Variants in IGSF9 observed in about 807,000 individuals in gnomAD.
The protein encoded by IGSF9 is protein turtle homolog A.
IGSF9 carries 87 observed loss-of-function variants against 121.7 expected under a neutral mutation model. The ratio of observed to expected loss-of-function variants is 0.71; its 90% CI spans 0.60 to 0.85. IGSF9 has a LOEUF of 0.85. Ranked by LOEUF, IGSF9 falls within the 40% of genes least tolerant of loss-of-function variation. The probability of loss-of-function intolerance (pLI) is 0.00; values close to 1 mark genes in which losing one functional copy is unlikely to be tolerated. For synonymous variants in IGSF9, 640 were observed against 648.4 expected (o/e 0.99, Z 0.20); for missense variants, 1,462 against 1,565.3 (o/e 0.93, Z 1.11).
In IGSF9 at chr1:159,931,666, A is replaced by G. The variant is rs554928607; in HGVS notation, c.1363-63T>C. On this transcript the variant is annotated intron_variant, in intron 11 of 20. Transcript: ENST00000368094. The surrounding 1 kb of genome is among the most constrained non-coding windows in gnomAD (Gnocchi z 4.8). ...CCACCCCTCACCAAAGGCGCCCCTC[A>G]TCTCTCCAGGCAGCTCCAGTTCCTC... 3.2e-3 allele frequency: 5,011 copies of G among 1,581,106 alleles called. 14 individuals are homozygous for G. The highest frequency in any genetic ancestry group is 3.9e-3 in the Non-Finnish European group (4,554 of 1,158,326).
rs761040310 is a variant in IGSF9, at chr1:159,930,747, A to G, written c.1758T>C (p.Ala586=). The G allele has an allele frequency of 3.1e-6, 5 of 1,614,110 alleles. No individual in the cohort carries two copies. Among genetic ancestry groups the G allele is most frequent in the Non-Finnish European group, 4.2e-6 (5 of 1,180,000 alleles). ...PHTQYQFSVL[A]QNKLGSGPFS... ...AGGGACCACTCCCCAGCTTGTTCTG[A>G]GCTAGCACGCTGAACTGGTACTGGG... Residue 586 remains alanine, a synonymous_variant, in exon 14 of 21, where the codon GCT becomes GCC. Transcript: ENST00000368094.
Position 159,929,767 on chromosome 1 carries a change from G to T in IGSF9, c.2197C>A (p.Gln733Lys). Residue 733 changes from glutamine to lysine, a missense_variant, in exon 17 of 21, where the codon CAG (glutamine) becomes AAG (lysine). Gln to Lys is a moderately conservative substitution (Grantham distance 53). Transcript: ENST00000368094. ...SRTQLPGLLPQPVLAGVVGGV... is the reference protein window; with the variant it reads ...SRTQLPGLLPKPVLAGVVGGV... ...CCCACCACGCCGGCCAGCACGGGCT[G>T]AGGCAGGAGGCCCGGCAGCTGCGTG... 6.2e-7 allele frequency: 1 copy of T among 1,606,528 alleles called. No homozygotes were observed. Among genetic ancestry groups the T allele is most frequent in the Admixed American group, 1.7e-5 (1 of 59,214 alleles).
chr1:159,933,614 T>C (rs1343269331), intron 9 of IGSF9: 1 of 158,840 alleles, frequency 6.3e-6, no homozygotes, highest in Non-Finnish European at 1.4e-5. Context: ...AAACGTACTA[T>C]ACTACTTCCT....
chr1:159,936,773 T>C lies in IGSF9; in HGVS notation c.536A>G (p.Gln179Arg), dbSNP rs1348876119. ...ACTCACTTGCACCTGGCCCTGGCCC[T>C]GGCCAAGGTCCTTTCCTCGGAGCTT... ...TWKLRGKDLG[Q>R]GQGQVQVQNG... is the part of the protein sequence containing the mutation. The change falls in exon 5 of 21, where the codon CAG (glutamine) becomes CGG (arginine). Residue 179 changes from glutamine to arginine, a missense_variant. Physicochemically the swap from Gln to Arg is conservative, Grantham distance 43. This residue lies in a region of IGSF9 where 558 missense variants were observed against 599.4 expected (regional missense o/e 0.93). Coordinates refer to ENST00000368094, the MANE Select transcript of IGSF9 (RefSeq NM_001135050.2). 4 of 1,614,106 alleles carry C rather than the reference T, an allele frequency of 2.5e-6. No homozygotes were observed. The African/African-American group carries it at 5.3e-5, about 22-fold the overall frequency.
At chr1:159,933,358 A>C (rs1044632452) in intron 9 of IGSF9, 3 of 152,336 alleles carry the variant, frequency 2.0e-5, no homozygotes, top group Admixed American at 6.5e-5. Flanking sequence ...AATATTCAAC[A>C]AAGATATACT....
At position 159,927,095 on chromosome 1, in the gene IGSF9, C is replaced by CAGAGAGAGAGAG. The variant is rs575352607; in HGVS notation, c.*249_*250insCTCTCTCTCTCT. On this transcript the variant is annotated 3_prime_UTR_variant, in exon 21 of 21. Transcript: ENST00000368094. ...AAAACTTCACACACACACACACACACACAGAGAGAGAGAGAGAGAGAGAGA... is the reference window on the plus strand; with the variant it reads ...AAAACTTCACACACACACACACACACAGAGAGAGAGAGACAGAGAGAGAGAGAGAGAGAGAGA... 1.5e-3 allele frequency: 665 copies of CAGAGAGAGAGAG among 450,822 alleles called. 6 individuals carry two copies. Among genetic ancestry groups the CAGAGAGAGAGAG allele is most frequent in the African/African-American group, 4.2e-3 (199 of 47,162 alleles). The allele number at this position is 450,822 out of a possible 1,614,324, so 27.9% of individuals were successfully genotyped here.
chr1:159,942,895 G>A (rs114097507), intron 3 of IGSF9, 68 bp downstream of exon 3: 16,493 of 1,375,242 alleles, frequency 0.012, 141 homozygotes, highest in Non-Finnish European at 0.015. Context: ...AGGAGGCCTT[G>A]TGCGACTCTA....
At chr1:159,935,956 G>A (rs920808087) in intron 6 of IGSF9, among the ~76,000 whole-genome samples, 1 of 152,148 alleles carries the variant, frequency 6.6e-6, no homozygotes, top group African/African-American at 2.4e-5. Context: ...GCTCTATGAA[G>A]GCACAGTCCA....
chr1:159,928,269 G>A lies in IGSF9; in HGVS notation c.3119C>T (p.Ala1040Val). Residue 1040 changes from alanine to valine, a missense_variant, in exon 19 of 21, where the codon GCC (alanine) becomes GTC (valine). Around this residue, in one of 3 missense-constraint regions of IGSF9, gnomAD observed 808 missense variants for 815.2 expected, o/e 0.99. Coordinates refer to ENST00000368094, the MANE Select transcript of IGSF9 (RefSeq NM_001135050.2). Reference protein sequence around the residue: ...SASFLRPPSTAPSAGGSYLSP... With the variant: ...SASFLRPPSTVPSAGGSYLSP... ...GAGGTAGCTGCCTCCTGCAGAGGGG[G>A]CTGTGGAGGGGGGCCGCAGGAACGA... 1 of 1,613,092 alleles carries A rather than the reference G, an allele frequency of 6.2e-7. No homozygotes were observed.
chr1:159,935,680 T>C (rs1408032079), intron 6 of IGSF9, among the ~76,000 whole-genome samples: 2 of 152,270 alleles, frequency 1.3e-5, no homozygotes, highest in Non-Finnish European at 2.9e-5. Flanking sequence ...CTAAGCACTT[T>C]ACCTGCACGA....
At position 159,929,939 on chromosome 1, in the gene IGSF9, C is replaced by A; in HGVS notation, c.2101G>T (p.Gly701Cys). 1 of 1,581,338 alleles carries A rather than the reference C, an allele frequency of 6.3e-7. No individual in the cohort carries two copies. Among genetic ancestry groups the A allele is most frequent in the Non-Finnish European group, 8.6e-7 (1 of 1,164,312 alleles). The change falls in exon 16 of 21, where the codon GGC (glycine) becomes TGC (cysteine). Residue 701 changes from glycine (G) to cysteine (C), a missense_variant. Physicochemically the swap from Gly to Cys is radical, Grantham distance 159. Transcript: ENST00000368094. ...TTGCTGGGGTCGCTGACGAAGCTGC[C>A]CGCGAAGGCCACGAGGCGGAACTCG... is the stretch of plus-strand genomic sequence containing the variant. ...LYEFRLVAFA[G>C]SFVSDPSNTA...
rs1472970302 is a variant in IGSF9 at position 159,932,498 on chromosome 1, A to G, written c.1245+14T>C. On this transcript the variant is annotated intron_variant, in intron 10 of 20. Transcript: ENST00000368094. This position sits in a 1 kb window ranked among gnomAD's most constrained non-coding sequence, Gnocchi z 4.1. Reference sequence around the variant, plus strand: ...CCACTGTCACCACAGGCCCCCGCCCACCCCCGGCCTAACCTTGAGCAGCAC... The same window carrying G: ...CCACTGTCACCACAGGCCCCCGCCCGCCCCCGGCCTAACCTTGAGCAGCAC... The G allele has an allele frequency of 7.1e-7, 1 of 1,398,604 alleles. No individual in the cohort carries two copies. Among genetic ancestry groups the G allele is most frequent in the Non-Finnish European group, 9.5e-7 (1 of 1,051,112 alleles). 86.6% of individuals were successfully genotyped at this position (1,398,604 alleles called of 1,614,324 possible).
intron 3 of IGSF9, 47 bp downstream of exon 3, chr1:159,942,916 C>T (rs775704863): frequency 4.7e-5 from 73 of 1,563,924 alleles, no homozygotes; most frequent in Non-Finnish European, 5.8e-5. Flanking sequence ...CCCAGCCCAC[C>T]TTTCTTGCTG....
At chr1:159,930,501 A>G in intron 14 of IGSF9, 62 bp from the exon 15 acceptor site, 1 of 1,517,838 alleles carries the variant, frequency 6.6e-7, no homozygotes. Flanking sequence ...CTGGCCTTCC[A>G]CAACTCCCAG....
Position 159,931,429 on chromosome 1 carries a change from C to G in IGSF9, c.1513+24G>C. ...ATTCCCAAGTAGTTTCTCCCAGCCCCTGGCCCTCTCTCCAGCCACTAACCC... is the reference window on the plus strand; with the variant it reads ...ATTCCCAAGTAGTTTCTCCCAGCCCGTGGCCCTCTCTCCAGCCACTAACCC... On this transcript the variant is annotated intron_variant, in intron 12 of 20. Transcript: ENST00000368094. This position sits in a 1 kb window ranked among gnomAD's most constrained non-coding sequence, Gnocchi z 4.8. The G allele has an allele frequency of 6.2e-7, 1 of 1,608,874 alleles. No homozygotes were observed.
At chr1:159,927,720 G>T (rs771398264) in intron 20 of IGSF9, 40 bp downstream of exon 20, 2 of 1,604,644 alleles carry the variant, frequency 1.2e-6, no homozygotes, top group Non-Finnish European at 1.7e-6. Context: ...ATGTGGGACA[G>T]TATGGCCGAG....
Position 159,931,423 on chromosome 1 carries a change from C to A in IGSF9, c.1513+30G>T. On this transcript the variant is annotated intron_variant, in intron 12 of 20. Coordinates refer to ENST00000368094, the MANE Select transcript of IGSF9 (RefSeq NM_001135050.2). The surrounding 1 kb of genome is among the most constrained non-coding windows in gnomAD (Gnocchi z 4.8). ...AAAACGATTCCCAAGTAGTTTCTCC[C>A]AGCCCCTGGCCCTCTCTCCAGCCAC... 6.2e-7 allele frequency: 1 copy of A among 1,605,906 alleles called. No homozygotes were observed. Among genetic ancestry groups the A allele is most frequent in the South Asian group, 1.1e-5 (1 of 90,768 alleles).
chr1:159,944,133 G>C (rs958307218), intron 1 of IGSF9, among the ~76,000 whole-genome samples: 1 of 152,126 alleles, frequency 6.6e-6, no homozygotes, highest in Non-Finnish European at 1.5e-5. Flanking sequence ...GAGGATATCT[G>C]CTCAGGGGCA....
rs761218808 is a variant in IGSF9, at chr1:159,928,590, C to CG, written c.2797dup (p.Arg933ProfsTer13). On this transcript the variant is annotated frameshift_variant, in exon 19 of 21. Transcript: ENST00000368094. LOFTEE classifies it high-confidence loss of function. ...CCAGTCCCCATCCACATTCATCTCT[C>CG]GGAAGAAGGGCAGGCTCAGGTACTG... 13 of 1,511,952 alleles carry CG rather than the reference C, an allele frequency of 8.6e-6. No individual in the cohort carries two copies. The highest frequency in any genetic ancestry group is 1.2e-5 in the Non-Finnish European group (13 of 1,128,410). The allele number at this position is 1,511,952 out of a possible 1,614,324, so 93.7% of individuals were successfully genotyped here.
Sources: allele counts gnomAD v4.1 joint callset (sites outside exome capture counted in the v4.1 genomes callset), GRCh38; gene constraint gnomAD v4.1.1; regional missense constraint gnomAD v4.1.1; non-coding constraint Gnocchi (gnomAD v3.1); transcripts MANE v1.5; gene names NCBI Gene and HGNC (gene_info 2026-07-23, HGNC 2026-07-21).